The following LRP1B variants were observed in gnomAD, a reference collection of about 807,000 sequenced individuals.
The protein encoded by LRP1B is low-density lipoprotein receptor-related protein 1B.
In LRP1B, 217 loss-of-function variants were observed where a neutral mutation model predicts 556.6. That is an observed-to-expected ratio of 0.39 (90% CI 0.35 to 0.44). The LOEUF (loss-of-function observed/expected upper bound fraction) is 0.44, where lower values mean the gene tolerates loss of function less well. LRP1B is among the 20% of genes least tolerant of loss of function. The pLI is 1.00. For missense variants in LRP1B, 5,053 were observed against 5,620.8 expected (o/e 0.90, Z 3.23); for synonymous variants, 2,047 against 1,865.8 (o/e 1.10, Z -2.50).
At chr2:141,168,663 T>C (rs73962837) in intron 7 of LRP1B, among the ~76,000 whole-genome samples, 2,947 of 152,174 alleles carry the variant, frequency 0.019, 84 homozygotes, top group African/African-American at 0.068. Flanking sequence ...TTATTTTAAT[T>C]AAATTGCTCC....
At chr2:140,974,077 A>G (rs1696517474) in intron 18 of LRP1B, among the ~76,000 whole-genome samples, 1 of 152,164 alleles carries the variant, frequency 6.6e-6, no homozygotes, top group South Asian at 2.1e-4. Context: ...GTCTTTAGTT[A>G]TCTCAAGAGC....
chr2:140,269,402 A>G, intron 86 of LRP1B: 1 of 469,008 alleles, frequency 2.1e-6, no homozygotes, highest in Non-Finnish European at 4.4e-6. Flanking sequence ...TCAGTAAAAT[A>G]CAGCTAAATA....
chr2:140,994,389 ATG>A (rs3061707), intron 15 of LRP1B, among the ~76,000 whole-genome samples: 3,931 of 147,142 alleles, frequency 0.027, 83 homozygotes, highest in African/African-American at 0.056. Context: ...GTAGGTAAGG[ATG>A]TGTGTGTGTG....
intron 14 of LRP1B, among the ~76,000 whole-genome samples, chr2:141,012,645 T>G (rs1355232982): frequency 1.3e-5 from 2 of 152,006 alleles, no homozygotes; most frequent in South Asian, 2.1e-4. Context: ...AAATTACATT[T>G]GTATTCCATT....
intron 2 of LRP1B, among the ~76,000 whole-genome samples, chr2:141,790,736 G>A (rs1044277014): frequency 6.6e-6 from 1 of 151,742 alleles, no homozygotes; most frequent in African/African-American, 2.4e-5. Context: ...TTTTGTTGTT[G>A]TATAGAAAAA....
chr2:141,994,970 C>T (rs1427513686), intron 1 of LRP1B, among the ~76,000 whole-genome samples: 1 of 152,162 alleles, frequency 6.6e-6, no homozygotes, highest in Non-Finnish European at 1.5e-5. Flanking sequence ...TGAGGCAACC[C>T]CTTGTGTCAG....
chr2:140,570,767 C>T, intron 43 of LRP1B, among the ~76,000 whole-genome samples: 1 of 151,700 alleles, frequency 6.6e-6, no homozygotes, highest in East Asian at 1.9e-4. Context: ...CAAAAATTCT[C>T]AACAAAATAC....
intron 1 of LRP1B, among the ~76,000 whole-genome samples, chr2:142,013,927 T>G (rs935165710): frequency 6.6e-6 from 1 of 152,154 alleles, no homozygotes; most frequent in Non-Finnish European, 1.5e-5. Flanking sequence ...TAAACAGATC[T>G]AAACTTGGGA....
chr2:141,473,111 A>C (rs1682542675), intron 3 of LRP1B, among the ~76,000 whole-genome samples: 1 of 152,188 alleles, frequency 6.6e-6, no homozygotes, highest in African/African-American at 2.4e-5. Flanking sequence ...TCTCTTTAGC[A>C]GTATTAATTT....
At chr2:142,026,825 G>A (rs945166342) in intron 1 of LRP1B, among the ~76,000 whole-genome samples, 4 of 152,010 alleles carry the variant, frequency 2.6e-5, no homozygotes, top group Non-Finnish European at 5.9e-5. Flanking sequence ...TTTCAAGTAT[G>A]TAACTTCCAG....
At chr2:141,731,966 C>T (rs1693290286) in intron 2 of LRP1B, among the ~76,000 whole-genome samples, 1 of 152,152 alleles carries the variant, frequency 6.6e-6, no homozygotes, top group South Asian at 2.1e-4. Context: ...TATGACACCA[C>T]TCTATCCCAG....
intron 31 of LRP1B, among the ~76,000 whole-genome samples, chr2:140,825,706 T>C (rs1180641145): frequency 1.3e-5 from 2 of 152,202 alleles, no homozygotes; most frequent in East Asian, 1.9e-4. Context: ...TTGTGGAATT[T>C]TTTTTTTCTT....
intron 10 of LRP1B, among the ~76,000 whole-genome samples, chr2:141,051,321 T>A (rs748027098): frequency 1.4e-4 from 22 of 152,044 alleles, no homozygotes; most frequent in Non-Finnish European, 2.9e-4. Flanking sequence ...TAAAGATACA[T>A]GCACATGTAT....
chr2:141,309,838 T>A (rs1364866309), intron 3 of LRP1B, among the ~76,000 whole-genome samples: 2 of 151,694 alleles, frequency 1.3e-5, no homozygotes, highest in Non-Finnish European at 2.9e-5. Context: ...CCCACCCCAC[T>A]TTTTTTTATA....
At chr2:140,684,373 T>C (rs1046752157) in intron 41 of LRP1B, among the ~76,000 whole-genome samples, 1 of 152,236 alleles carries the variant, frequency 6.6e-6, no homozygotes, top group African/African-American at 2.4e-5. Flanking sequence ...AATTTGTCTG[T>C]ATTATTTATC....
chr2:140,309,265 C>G (rs1243380051), intron 83 of LRP1B, among the ~76,000 whole-genome samples: 1 of 151,784 alleles, frequency 6.6e-6, no homozygotes, highest in Non-Finnish European at 1.5e-5. Context: ...TTATCTAGCT[C>G]CCTCCCAGGT....
intron 2 of LRP1B, among the ~76,000 whole-genome samples, chr2:141,515,514 T>A (rs4346321): frequency 0.038 from 5,797 of 152,078 alleles, 140 homozygotes; most frequent in Non-Finnish European, 0.057. Flanking sequence ...ATATCAACAA[T>A]TGTTACTTAA....
chr2:141,190,375 C>T (rs1681455461), intron 6 of LRP1B, among the ~76,000 whole-genome samples: 1 of 151,886 alleles, frequency 6.6e-6, no homozygotes, highest in Non-Finnish European at 1.5e-5. Context: ...GTTCTTTTTG[C>T]CCCTACGCTA....
intron 2 of LRP1B, among the ~76,000 whole-genome samples, chr2:141,714,094 G>T (rs1262749671): frequency 1.3e-5 from 2 of 152,016 alleles, no homozygotes; most frequent in Non-Finnish European, 2.9e-5. Context: ...AACTGCCTGT[G>T]AACTCATAAC....
Sources: gnomAD v4.1 joint callset for allele counts (sites outside exome capture counted in the v4.1 genomes callset) on GRCh38, gnomAD v4.1.1 for gene constraint, MANE v1.5 for transcripts, NCBI Gene and HGNC (gene_info 2026-07-23, HGNC 2026-07-21) for gene names.